The following SPATA17 variants were observed in gnomAD, a reference collection of about 807,000 sequenced individuals.
The protein encoded by SPATA17 is spermatogenesis-associated protein 17.
Under a neutral mutation model 62.2 loss-of-function variants are expected in SPATA17, and 53 were observed. The observed-to-expected ratio is 0.85, with a 90% CI of 0.68 to 1.07. SPATA17 has a LOEUF of 1.07. Ranked by LOEUF, SPATA17 falls within the 50% of genes least tolerant of loss-of-function variation. SPATA17 has a pLI of 0.00. For synonymous variants in SPATA17, 146 were observed against 146.8 expected, an observed-to-expected ratio of 0.99 and a Z score of 0.04; for missense variants, 466 against 425.5, an observed-to-expected ratio of 1.10 and a Z score of -0.84.
chr1:217,665,051 T>G (rs1558557601), intron 3 of SPATA17, among the ~76,000 whole-genome samples: 1 of 151,910 alleles, frequency 6.6e-6, no homozygotes, highest in Non-Finnish European at 1.5e-5. Flanking sequence ...GAGGGATAAT[T>G]GGAAAAAAAA....
intron 5 of SPATA17, among the ~76,000 whole-genome samples, chr1:217,704,395 C>T (rs943657350): frequency 9.9e-5 from 15 of 150,830 alleles, no homozygotes; most frequent in Middle Eastern, 3.4e-3. Context: ...GGACTACAGG[C>T]GCCCGCCACC....
intron 8 of SPATA17, among the ~76,000 whole-genome samples, chr1:217,795,372 T>C (rs1407148925): frequency 7.0e-6 from 1 of 142,882 alleles, no homozygotes; most frequent in Admixed American, 7.0e-5. Flanking sequence ...CTTTTTTTTT[T>C]TTTTTTTTTT....
At chr1:217,731,602 C>A (rs1672403615) in intron 5 of SPATA17, among the ~76,000 whole-genome samples, 2 of 152,094 alleles carry the variant, frequency 1.3e-5, no homozygotes, top group South Asian at 2.1e-4. Flanking sequence ...AATCTGATCA[C>A]CATAATCTGT....
chr1:217,749,463 T>G (rs555187144), intron 6 of SPATA17, among the ~76,000 whole-genome samples: 1 of 152,208 alleles, frequency 6.6e-6, no homozygotes, highest in Non-Finnish European at 1.5e-5. Context: ...CTGTGTGTGT[T>G]TTTTTTCTAT....
At chr1:217,759,283 A>T (rs1277087134) in intron 6 of SPATA17, among the ~76,000 whole-genome samples, 1 of 151,996 alleles carries the variant, frequency 6.6e-6, no homozygotes, top group Non-Finnish European at 1.5e-5. Flanking sequence ...ACTTGGCAAA[A>T]CCCCGTCTCT....
intron 3 of SPATA17, among the ~76,000 whole-genome samples, chr1:217,653,963 G>A (rs1670378290): frequency 6.6e-6 from 1 of 151,830 alleles, no homozygotes; most frequent in Non-Finnish European, 1.5e-5. Context: ...TTGTCTCACA[G>A]GTATGGAAAA....
At chr1:217,767,844 C>T (rs909460532) in intron 6 of SPATA17, among the ~76,000 whole-genome samples, 3 of 152,158 alleles carry the variant, frequency 2.0e-5, no homozygotes. Flanking sequence ...GAGACTCGTT[C>T]TGATGCCTGA....
intron 7 of SPATA17, among the ~76,000 whole-genome samples, chr1:217,779,106 G>A (rs1465571621): frequency 1.3e-5 from 2 of 151,046 alleles, no homozygotes; most frequent in East Asian, 3.9e-4. Context: ...TATGGTATAA[G>A]TATAAAAATA....
At chr1:217,824,575 T>A (rs1456483311) in intron 9 of SPATA17, among the ~76,000 whole-genome samples, 1 of 151,250 alleles carries the variant, frequency 6.6e-6, no homozygotes, top group African/African-American at 2.4e-5. Context: ...ATACTGTTAT[T>A]GTATATGTTT....
In SPATA17 at chr1:217,701,132, G is replaced by C. The variant is rs11803756; in HGVS notation, c.395+17771G>C. Among the ~76,000 whole-genome samples, 215 of 149,204 alleles carry C rather than the reference G, an allele frequency of 1.4e-3. 1 individual carries two copies. Among genetic ancestry groups the C allele is most frequent in the African/African-American group, 4.9e-3 (199 of 40,660 alleles). On this transcript the variant is annotated intron_variant, in intron 5 of 10. Coordinates refer to ENST00000366933, the MANE Select transcript of SPATA17 (RefSeq NM_138796.4). The stretch of plus-strand genomic sequence containing the variant: ...TGGGACTGTAGGCGCACACCACCAC[G>C]CCTAGCTAGTTTTTGTATTTTTTGT...
At chr1:217,814,840 C>T (rs1442097501) in intron 9 of SPATA17, among the ~76,000 whole-genome samples, 2 of 151,848 alleles carry the variant, frequency 1.3e-5, no homozygotes, top group East Asian at 1.9e-4. Flanking sequence ...AAAGAAATAC[C>T]TCATCTCTTA....
chr1:217,689,450 T>A (rs1057460209), intron 5 of SPATA17, among the ~76,000 whole-genome samples: 1 of 152,076 alleles, frequency 6.6e-6, no homozygotes, highest in South Asian at 2.1e-4. Context: ...GGTCTCGAAC[T>A]CCTGGCCTCA....
chr1:217,857,808 A>G (rs1180898829), intron 9 of SPATA17, among the ~76,000 whole-genome samples: 1 of 152,218 alleles, frequency 6.6e-6, no homozygotes, highest in Non-Finnish European at 1.5e-5. Flanking sequence ...TAAGAGCAAT[A>G]AAGAGTTTCT....
At position 217,800,123 on chromosome 1, in the gene SPATA17, C is replaced by T. The variant is rs575961744; in HGVS notation, c.873-1595C>T. Among the ~76,000 whole-genome samples, 3 of 152,206 alleles carry T rather than the reference C, an allele frequency of 2.0e-5. 1 individual carries two copies. The East Asian group carries it at 5.8e-4, about 29-fold the overall frequency. On this transcript the variant is annotated intron_variant, in intron 8 of 10. Coordinates refer to ENST00000366933, the MANE Select transcript of SPATA17 (RefSeq NM_138796.4). ...TTATGTTTGGATTTCTGTCCTTCTT[C>T]CACGTTGATTATTTTCCCACTGGTA...
chr1:217,690,956 G>T (rs1671339301), intron 5 of SPATA17, among the ~76,000 whole-genome samples: 1 of 146,996 alleles, frequency 6.8e-6, no homozygotes, highest in South Asian at 2.1e-4. Context: ...ACGTACGTGT[G>T]CATGTGTCTT....
At chr1:217,700,754 TTC>T (rs1303308178) in intron 5 of SPATA17, among the ~76,000 whole-genome samples, 1 of 95,992 alleles carries the variant, frequency 1.0e-5, no homozygotes, top group African/African-American at 4.0e-5. Context: ...GGCTAATTTT[TTC>T]TTTTTCTTTT....
At chr1:217,681,024 C>T (rs1052031049) in intron 4 of SPATA17, among the ~76,000 whole-genome samples, 40 of 150,330 alleles carry the variant, frequency 2.7e-4, no homozygotes, top group Non-Finnish European at 5.2e-4. Context: ...GTCAAGAGAT[C>T]GAGACCATCC....
intron 5 of SPATA17, among the ~76,000 whole-genome samples, chr1:217,735,545 T>C (rs1672493905): frequency 6.6e-6 from 1 of 152,168 alleles, no homozygotes; most frequent in African/African-American, 2.4e-5. Flanking sequence ...GACCTTAGCA[T>C]TCAGGAGGGA....
intron 8 of SPATA17, among the ~76,000 whole-genome samples, chr1:217,795,751 A>G (rs968528307): frequency 3.3e-5 from 5 of 152,038 alleles, no homozygotes; most frequent in African/African-American, 1.2e-4. Flanking sequence ...ATAGTTTGGA[A>G]TACGGTGCTC....
Sources: allele counts gnomAD v4.1 joint callset (sites outside exome capture counted in the v4.1 genomes callset), GRCh38; gene constraint gnomAD v4.1.1; transcripts MANE v1.5; gene names NCBI Gene and HGNC (gene_info 2026-07-23, HGNC 2026-07-21).